Variants in TOM1L2 observed in about 807,000 individuals in gnomAD.
The protein encoded by TOM1L2 is target of myb1 like 2 membrane trafficking protein.
In TOM1L2, 31 loss-of-function variants were observed where a neutral mutation model predicts 67.9. The observed-to-expected ratio is 0.46, with a 90% CI of 0.34 to 0.62. TOM1L2 has a LOEUF of 0.62. TOM1L2 is among the 20% of genes least tolerant of loss of function. TOM1L2 has a pLI of 0.01. For missense variants in TOM1L2, 606 were observed against 663.5 expected, an observed-to-expected ratio of 0.91 and a Z score of 0.95; for synonymous variants, 256 against 254.0, an observed-to-expected ratio of 1.01 and a Z score of -0.07.
chr17:17,901,603 C>A (rs143607027), intron 2 of TOM1L2, among the ~76,000 whole-genome samples: 1 of 152,246 alleles, frequency 6.6e-6, no homozygotes, highest in Non-Finnish European at 1.5e-5. Context: ...CTCATCACCC[C>A]CAAGGAGGAC....
intron 14 of TOM1L2, among the ~76,000 whole-genome samples, chr17:17,848,470 G>A (rs2035772594): frequency 6.6e-6 from 1 of 152,224 alleles, no homozygotes; most frequent in South Asian, 2.1e-4. Context: ...CTCCCTTCTG[G>A]CTCAGTGGCC....
chr17:17,892,137 G>A (rs1390182464), intron 4 of TOM1L2, among the ~76,000 whole-genome samples: 1 of 152,152 alleles, frequency 6.6e-6, no homozygotes, highest in Non-Finnish European at 1.5e-5. Context: ...AGGCCTCCGA[G>A]GCACCTGTGA....
chr17:17,905,491 T>C (rs1598305852), intron 2 of TOM1L2, among the ~76,000 whole-genome samples: 1 of 152,356 alleles, frequency 6.6e-6, no homozygotes. Flanking sequence ...CTTCTAATCA[T>C]CATCTCACAC....
At chr17:17,855,906 A>T (rs550120543) in intron 12 of TOM1L2, among the ~76,000 whole-genome samples, 35 of 152,072 alleles carry the variant, frequency 2.3e-4, no homozygotes, top group Non-Finnish European at 3.7e-4. Context: ...GCTTGAAAAG[A>T]CTCAAGGTTT....
At chr17:17,861,142 C>T (rs940363482) in intron 12 of TOM1L2, among the ~76,000 whole-genome samples, 1 of 152,204 alleles carries the variant, frequency 6.6e-6, no homozygotes, top group Non-Finnish European at 1.5e-5. Context: ...GTGGTAGGAA[C>T]AGCAGGGGTT....
intron 1 of TOM1L2, among the ~76,000 whole-genome samples, chr17:17,941,850 C>T (rs775926878): frequency 2.6e-5 from 4 of 152,182 alleles, no homozygotes; most frequent in Non-Finnish European, 5.9e-5. Context: ...CTAAGCCAGG[C>T]GCAGTGGCAT....
intron 1 of TOM1L2, among the ~76,000 whole-genome samples, chr17:17,965,001 T>C (rs1349299939): frequency 1.3e-5 from 2 of 152,200 alleles, no homozygotes; most frequent in African/African-American, 4.8e-5. Flanking sequence ...CAATGCTCCA[T>C]CAACCTGCCT....
chr17:17,901,440 T>C (rs1407214635), intron 2 of TOM1L2, among the ~76,000 whole-genome samples: 2 of 152,218 alleles, frequency 1.3e-5, no homozygotes, highest in African/African-American at 4.8e-5. Flanking sequence ...ATTTGGCCTC[T>C]GGGCCATGAT....
At chr17:17,949,850 TTTA>T (rs2041113689) in intron 1 of TOM1L2, among the ~76,000 whole-genome samples, 1 of 152,084 alleles carries the variant, frequency 6.6e-6, no homozygotes, top group Non-Finnish European at 1.5e-5. Context: ...CTCTCTATTT[TTTA>T]TTTTTATTTT....
chr17:17,912,339 A>G (rs1430007298), intron 1 of TOM1L2, among the ~76,000 whole-genome samples: 2 of 148,168 alleles, frequency 1.3e-5, no homozygotes, highest in African/African-American at 2.5e-5. Flanking sequence ...GACGCTCCTC[A>G]CTTCCCAGAC....
rs1377776005 is a variant in TOM1L2 at position 17,907,493 on chromosome 17, T to A, written c.91A>T (p.Thr31Ser). The A allele has an allele frequency of 5.0e-6, 8 of 1,613,968 alleles. No individual in the cohort carries two copies. The highest frequency in any genetic ancestry group is 6.8e-6 in the Non-Finnish European group (8 of 1,180,000). The change falls in exon 2 of 15, where the codon ACG (threonine) becomes TCG (serine). Residue 31 changes from threonine (T) to serine (S), a missense_variant. By Grantham distance (58) the Thr-to-Ser change is moderately conservative (BLOSUM62 1). This residue lies in a region of TOM1L2 where 63 missense variants were observed against 109.5 expected (regional missense o/e 0.58). Coordinates refer to ENST00000379504, the MANE Select transcript of TOM1L2 (RefSeq NM_001082968.2). Reference sequence around the variant, plus strand: ...ATGTCACAGATCTCCATATTCAACGTCCAATCCTCACTTTGCAGGGAGCCA... The same window carrying A: ...ATGTCACAGATCTCCATATTCAACGACCAATCCTCACTTTGCAGGGAGCCA... The part of the protein sequence containing the change: ...TDGSLQSEDW[T>S]LNMEICDIIN...
At chr17:17,918,675 C>A (rs2039731731) in intron 1 of TOM1L2, among the ~76,000 whole-genome samples, 1 of 152,242 alleles carries the variant, frequency 6.6e-6, no homozygotes, top group Non-Finnish European at 1.5e-5. Context: ...TCTCCAGAAC[C>A]TTCTTTGCTG....
Position 17,847,770 on chromosome 17 carries a change from G to A in TOM1L2, c.1389C>T (p.Phe463=). 6.2e-7 allele frequency: 1 copy of A among 1,614,020 alleles called. No individual in the cohort carries two copies. The highest frequency in any genetic ancestry group is 8.5e-7 in the Non-Finnish European group (1 of 1,179,994). ...EGVTSEEFDK[F]LEERAKAAEM... is the part of the protein sequence containing the mutation. ...CAGCAGCTTTGGCTCTTTCTTCAAG[G>A]AATTTATCAAACTCTGCAATACAAA... Residue 463 remains phenylalanine, a synonymous_variant, in exon 15 of 15, where the codon TTC becomes TTT. Transcript: ENST00000379504.
rs931422427 is a variant in TOM1L2, at chr17:17,944,995, C to T, written c.52+27267G>A. Among the ~76,000 whole-genome samples, 10 of 152,278 alleles carry T rather than the reference C, an allele frequency of 6.6e-5. No homozygotes were observed. The South Asian group carries it at 8.3e-4, about 13-fold the overall frequency. On this transcript the variant is annotated intron_variant, in intron 1 of 14. Transcript: ENST00000379504. ...TTGCAGCAGATGCTGCCCGCACTGC[C>T]GCCGCCACACTAATCCTTCATCCTC... is the stretch of plus-strand genomic sequence containing the variant.
intron 1 of TOM1L2, among the ~76,000 whole-genome samples, chr17:17,943,398 G>A (rs2040814584): frequency 6.6e-6 from 1 of 152,210 alleles, no homozygotes; most frequent in South Asian, 2.1e-4. Flanking sequence ...GCCTGCTGCT[G>A]GGGTGCGACA....
At chr17:17,913,206 G>A (rs895224905) in intron 1 of TOM1L2, among the ~76,000 whole-genome samples, 1 of 150,678 alleles carries the variant, frequency 6.6e-6, no homozygotes, top group African/African-American at 2.5e-5. Context: ...ACCGTGGGGA[G>A]ACGGGAGAGG....
intron 1 of TOM1L2, among the ~76,000 whole-genome samples, chr17:17,958,551 C>T (rs1412565540): frequency 6.6e-6 from 1 of 152,170 alleles, no homozygotes; most frequent in East Asian, 1.9e-4. Flanking sequence ...CTACCCCATG[C>T]TTACCCTCCC....
At position 17,845,023 on chromosome 17, in the gene TOM1L2, CTG is replaced by C. The variant is rs2035570632; in HGVS notation, c.*2610_*2611del. The C allele has an allele frequency of 6.6e-6, 1 of 152,442 alleles. No individual in the cohort carries two copies. The highest frequency in any genetic ancestry group is 1.5e-5 in the Non-Finnish European group (1 of 68,064). The allele number at this position is 152,442 out of a possible 1,614,324, so 9.4% of individuals were successfully genotyped here. ...CTTCCTGGACCAGGCAGCCTAAGGA[CTG>C]TGCTCCCCAGATGGTGGGGTCTGGG... On this transcript the variant is annotated 3_prime_UTR_variant, in exon 15 of 15. Transcript: ENST00000379504.
At chr17:17,887,936 C>T (rs958799010) in intron 4 of TOM1L2, among the ~76,000 whole-genome samples, 6 of 152,200 alleles carry the variant, frequency 3.9e-5, no homozygotes, top group Non-Finnish European at 7.4e-5. Context: ...CTTAGGCTGT[C>T]AACAGACTGA....
Sources: allele counts gnomAD v4.1 joint callset (sites outside exome capture counted in the v4.1 genomes callset), GRCh38; gene constraint gnomAD v4.1.1; regional missense constraint gnomAD v4.1.1; transcripts MANE v1.5; gene names NCBI Gene and HGNC (gene_info 2026-07-23, HGNC 2026-07-21).